Variants in TNRC6B observed in about 807,000 individuals in gnomAD.
TNRC6B encodes the protein trinucleotide repeat containing adaptor 6B.
Under a neutral mutation model 203.6 loss-of-function variants are expected in TNRC6B, and 52 were observed. That is an observed-to-expected ratio of 0.26 (90% CI 0.20 to 0.32). The LOEUF is 0.32. Among genes scored for constraint, TNRC6B ranks in the 10% least tolerant of loss-of-function variants. The pLI, the probability that TNRC6B is intolerant of heterozygous loss-of-function variation, is 1.00. For missense variants in TNRC6B, 1,923 were observed against 2,286.2 expected (o/e 0.84, Z 3.24); for synonymous variants, 838 against 845.7 (o/e 0.99, Z 0.16).
intron 21 of TNRC6B, among the ~76,000 whole-genome samples, chr22:40,318,928 G>A (rs774156614): frequency 3.3e-5 from 5 of 152,034 alleles, no homozygotes; most frequent in South Asian, 4.1e-4. Flanking sequence ...AAAATTAGCC[G>A]GGTATGGTGG....
intron 3 of TNRC6B, among the ~76,000 whole-genome samples, chr22:40,145,706 G>A (rs1337906219): frequency 6.6e-6 from 1 of 152,134 alleles, no homozygotes; most frequent in Non-Finnish European, 1.5e-5. Context: ...GCTGGGTGTG[G>A]TGGCGCCCTC....
chr22:40,191,418 G>A (rs969817642), intron 1 of TNRC6B, among the ~76,000 whole-genome samples: 2 of 152,060 alleles, frequency 1.3e-5, no homozygotes, highest in African/African-American at 4.8e-5. Context: ...CTCTGTTTCA[G>A]GCAGAAGAAA....
chr22:40,244,979 A>G (rs1172715131), intron 1 of TNRC6B, among the ~76,000 whole-genome samples: 1 of 152,248 alleles, frequency 6.6e-6, no homozygotes, highest in Non-Finnish European at 1.5e-5. Context: ...TTATGATTGT[A>G]TACCATTTTT....
intron 3 of TNRC6B, among the ~76,000 whole-genome samples, chr22:40,131,124 G>A (rs1005995414): frequency 2.0e-5 from 3 of 152,066 alleles, no homozygotes; most frequent in Non-Finnish European, 2.9e-5. Context: ...GTTTCAGCGT[G>A]TTAGCCAGGA....
chr22:40,170,858 TATAC>T lies in TNRC6B; in HGVS notation c.113+14680_113+14683del, dbSNP rs1157059808. On this transcript the variant is annotated intron_variant, in intron 4 of 23. Coordinates refer to the TNRC6B transcript ENST00000301923. ...ATATATGTACATATATGTGTGTATATATACATATATGTACATATATGTGTGTATA... is the reference window on the plus strand; with the variant it reads ...ATATATGTACATATATGTGTGTATATATATATGTACATATATGTGTGTATA... 6.8e-5 allele frequency among the ~76,000 whole-genome samples: 8 copies of T among 118,346 alleles called. No homozygotes were observed. In the Admixed American group the frequency reaches 7.3e-4, roughly 11 times the overall value. The allele number at this position is 118,346 out of a possible 152,430, so 77.6% of individuals were successfully genotyped here.
At chr22:40,230,028 A>C (rs1214061553) in intron 1 of TNRC6B, among the ~76,000 whole-genome samples, 2 of 152,174 alleles carry the variant, frequency 1.3e-5, no homozygotes, top group Non-Finnish European at 2.9e-5. Flanking sequence ...TTTTTAAGAA[A>C]CTGCCAAAGT....
At chr22:40,106,332 C>G in intron 1 of TNRC6B, 1 of 983,442 alleles carries the variant, frequency 1.0e-6, no homozygotes. Context: ...GTTTATTCTT[C>G]TAATAAGCCT....
rs34140652 is a variant in TNRC6B, at chr22:40,081,307, G to GTTTTT, written c.-120-35732_-120-35728dup. Among the ~76,000 whole-genome samples the GTTTTT allele has an allele frequency of 7.4e-4, 75 of 101,480 alleles. 2 individuals are homozygous for GTTTTT. Among genetic ancestry groups the GTTTTT allele is most frequent in the African/African-American group, 2.2e-3 (60 of 27,440 alleles). 66.6% of individuals were successfully genotyped at this position (101,480 alleles called of 152,430 possible). ...ATGATATTCCTTTAAGTGTCTGCGT[G>GTTTTT]TTTTTTTTTTTTTTTTTTTTGCACA... On this transcript the variant is annotated intron_variant, in intron 1 of 23. Transcript: ENST00000301923.
chr22:40,151,982 G>A lies in TNRC6B; in HGVS notation c.46-4133G>A, dbSNP rs145908710. On this transcript the variant is annotated intron_variant, in intron 3 of 23. Coordinates refer to the TNRC6B transcript ENST00000301923. Reference sequence around the variant, plus strand: ...TGGAAGGGAGGAAACTGTCAAATAAGTAGAGAAAATGTCCCAAACCTGAAA... The same window carrying A: ...TGGAAGGGAGGAAACTGTCAAATAAATAGAGAAAATGTCCCAAACCTGAAA... Among the ~76,000 whole-genome samples, 76 of 152,216 alleles carry A rather than the reference G, an allele frequency of 5.0e-4. 2 individuals carry two copies. In the East Asian group the frequency reaches 0.013, roughly 27 times the overall value.
chr22:40,101,040 T>A (rs566479308), intron 1 of TNRC6B, among the ~76,000 whole-genome samples: 41 of 151,856 alleles, frequency 2.7e-4, no homozygotes, highest in African/African-American at 9.4e-4. Flanking sequence ...TTGCCCAGGC[T>A]GGAGTGCAGT....
chr22:40,049,728 C>T (rs182566625), intron 1 of TNRC6B, among the ~76,000 whole-genome samples: 106 of 152,230 alleles, frequency 7.0e-4, no homozygotes, highest in African/African-American at 2.4e-3. Context: ...CTTAGCCTCC[C>T]AAGTAGCTGG....
chr22:40,262,251 C>A, intron 4 of TNRC6B, 78 bp downstream of exon 4: 1 of 1,255,114 alleles, frequency 8.0e-7, no homozygotes, highest in Admixed American at 3.2e-5. Context: ...GATGTAAAGT[C>A]CAGGAAAGCC....
rs542249864 is a variant in TNRC6B, at chr22:40,156,755, G to GTT, written c.113+590_113+591dup. On this transcript the variant is annotated intron_variant, in intron 4 of 23. Transcript: ENST00000301923. Reference sequence around the variant, plus strand: ...TTAAGGGGTAATTGGTTTGTTGTTGGTTTTTTTTTTTTTTTTTTCTTGAGA... The same window carrying GTT: ...TTAAGGGGTAATTGGTTTGTTGTTGGTTTTTTTTTTTTTTTTTTTTCTTGAGA... 3.1e-3 allele frequency among the ~76,000 whole-genome samples: 417 copies of GTT among 134,992 alleles called. 1 individual carries two copies. Among genetic ancestry groups the GTT allele is most frequent in the Middle Eastern group, 0.02 (5 of 254 alleles). The allele number at this position is 134,992 out of a possible 152,430, so 88.6% of individuals were successfully genotyped here. A position where few individuals can be genotyped will look rare whatever the true frequency, so the allele number is the denominator to read the frequency against.
In TNRC6B at chr22:40,224,932, C is replaced by T. The variant is rs545888733; in HGVS notation, c.6-21083C>T. Among the ~76,000 whole-genome samples the T allele has an allele frequency of 3.3e-5, 5 of 152,294 alleles. No homozygotes were observed. In the South Asian group the frequency reaches 6.2e-4, roughly 19 times the overall value. On this transcript the variant is annotated intron_variant, in intron 1 of 22. Transcript: ENST00000454349. ...GCTTGATGTGGAGGAGGAGGTGGAC[C>T]CTGCTGCCAGAAGCAGTAGCAGCTC...
chr22:40,050,582 C>G (rs1178657578), intron 1 of TNRC6B, among the ~76,000 whole-genome samples: 1 of 152,132 alleles, frequency 6.6e-6, no homozygotes, highest in Non-Finnish European at 1.5e-5. Context: ...CCTTTATGCT[C>G]TCGTCCCACT....
intron 1 of TNRC6B, among the ~76,000 whole-genome samples, chr22:40,077,007 G>A (rs1299659395): frequency 2.9e-5 from 4 of 138,844 alleles, no homozygotes; most frequent in African/African-American, 1.1e-4. Context: ...GAAAAGAAAA[G>A]AGAAAAGAAA....
chr22:40,105,484 C>T (rs1569261932), intron 1 of TNRC6B, among the ~76,000 whole-genome samples: 2 of 152,188 alleles, frequency 1.3e-5, no homozygotes, highest in Middle Eastern at 3.4e-3. Context: ...CTTTATTTTC[C>T]TTTCTATTTT....
rs1391182286 is a variant in TNRC6B, at chr22:40,265,950, A to G, written c.1720A>G (p.Thr574Ala). The G allele has an allele frequency of 1.2e-6, 2 of 1,613,894 alleles. No homozygotes were observed. The highest frequency in any genetic ancestry group is 1.7e-5 in the Admixed American group (1 of 60,008). ...STGSEVGGQSTGSNHKAGSSD... is the reference protein window; with the variant it reads ...STGSEVGGQSAGSNHKAGSSD... ...AGGAAGTGAAGTTGGAGGTCAAAGC[A>G]CTGGAAGCAACCACAAAGCAGGAAG... Residue 574 changes from threonine (T) to alanine (A), a missense_variant, in exon 5 of 23, where the codon ACT (threonine) becomes GCT (alanine). Transcript: ENST00000454349.
intron 1 of TNRC6B, among the ~76,000 whole-genome samples, chr22:40,083,191 G>A (rs73422387): frequency 0.023 from 3,528 of 152,214 alleles, 121 homozygotes; most frequent in African/African-American, 0.08. Flanking sequence ...GACATAGAAG[G>A]AAAGCCAGGA....
Sources: gnomAD v4.1 joint callset for allele counts (sites outside exome capture counted in the v4.1 genomes callset) on GRCh38, gnomAD v4.1.1 for gene constraint, MANE v1.5 for transcripts, NCBI Gene and HGNC (gene_info 2026-07-23, HGNC 2026-07-21) for gene names.